Variants in SDK1 observed in about 807,000 individuals in gnomAD.
The protein encoded by SDK1 is protein sidekick-1.
SDK1 carries 157 observed loss-of-function variants against 245.5 expected under a neutral mutation model. The ratio of observed to expected loss-of-function variants is 0.64; its 90% CI spans 0.56 to 0.73. The LOEUF (loss-of-function observed/expected upper bound fraction) is 0.73. SDK1 is among the 30% of genes least tolerant of loss of function. The pLI, the probability that SDK1 is intolerant of heterozygous loss-of-function variation, is 0.00. For missense variants in SDK1, 3,583 were observed against 3,002.3 expected, an observed-to-expected ratio of 1.19 and a Z score of -4.52; for synonymous variants, 1,647 against 1,278.5, an observed-to-expected ratio of 1.29 and a Z score of -6.15.
At chr7:4,216,535 T>C (rs1162823967) in intron 38 of SDK1, among the ~76,000 whole-genome samples, 2 of 152,236 alleles carry the variant, frequency 1.3e-5, no homozygotes, top group Non-Finnish European at 2.9e-5. Flanking sequence ...CACATGACTT[T>C]CAATATTTTG....
rs1583987475 is a variant in SDK1 at position 4,062,373 on chromosome 7, AT to A, written c.2912-5463del. ...TGGAAAACCTAGGAGAAATGGATAAATTCCTGAACACATACAACCTACCAAG... is the reference window on the plus strand; with the variant it reads ...TGGAAAACCTAGGAGAAATGGATAAATCCTGAACACATACAACCTACCAAG... On this transcript the variant is annotated intron_variant, in intron 19 of 44. Transcript: ENST00000404826. 2.6e-5 allele frequency among the ~76,000 whole-genome samples: 4 copies of A among 151,926 alleles called. No homozygotes were observed. The East Asian group carries it at 7.7e-4, about 29-fold the overall frequency.
chr7:4,182,366 A>C (rs1411335939), intron 35 of SDK1, among the ~76,000 whole-genome samples: 1 of 152,182 alleles, frequency 6.6e-6, no homozygotes, highest in Non-Finnish European at 1.5e-5. Context: ...CCTCCCCATT[A>C]GACCAAGGCT....
intron 1 of SDK1, among the ~76,000 whole-genome samples, chr7:3,521,515 A>G (rs1782939825): frequency 6.6e-6 from 1 of 152,204 alleles, no homozygotes; most frequent in South Asian, 2.1e-4. Flanking sequence ...CGAGTTGGTA[A>G]AAAACTAACT....
chr7:3,564,755 T>C (rs766681744), intron 1 of SDK1, among the ~76,000 whole-genome samples: 4 of 152,052 alleles, frequency 2.6e-5, no homozygotes, highest in Non-Finnish European at 5.9e-5. Context: ...TGAGAGAATT[T>C]TATGGTTGAG....
intron 1 of SDK1, among the ~76,000 whole-genome samples, chr7:3,530,993 T>C (rs1783325749): frequency 6.6e-6 from 1 of 152,248 alleles, no homozygotes; most frequent in Non-Finnish European, 1.5e-5. Flanking sequence ...TTGGAAATGA[T>C]GTGGCTTGTG....
chr7:3,443,710 T>G (rs1230657655), intron 1 of SDK1, among the ~76,000 whole-genome samples: 1 of 152,240 alleles, frequency 6.6e-6, no homozygotes, highest in African/African-American at 2.4e-5. Context: ...ATTTGTTAAA[T>G]TCAGCTCTGA....
intron 1 of SDK1, among the ~76,000 whole-genome samples, chr7:3,519,207 C>T (rs1782848618): frequency 6.6e-6 from 1 of 152,084 alleles, no homozygotes; most frequent in African/African-American, 2.4e-5. Flanking sequence ...TAGGAAGAAT[C>T]AGTTCAAGTC....
At chr7:3,349,397 G>C (rs1780597582) in intron 1 of SDK1, among the ~76,000 whole-genome samples, 1 of 152,092 alleles carries the variant, frequency 6.6e-6, no homozygotes, top group African/African-American at 2.4e-5. Context: ...AAGGGGAATG[G>C]GGCTGGGGAG....
chr7:3,798,271 G>C (rs1429501416), intron 4 of SDK1, among the ~76,000 whole-genome samples: 3 of 137,952 alleles, frequency 2.2e-5, no homozygotes, highest in Non-Finnish European at 4.5e-5. Flanking sequence ...AGGCTGGAGT[G>C]CAGTGGCGCG....
At chr7:3,375,091 T>C (rs1781320407) in intron 1 of SDK1, among the ~76,000 whole-genome samples, 2 of 152,190 alleles carry the variant, frequency 1.3e-5, no homozygotes, top group Admixed American at 1.3e-4. Context: ...TGATGCTGCA[T>C]ACGCATTTTC....
chr7:3,865,847 C>G (rs1780808301), intron 5 of SDK1, among the ~76,000 whole-genome samples: 1 of 152,120 alleles, frequency 6.6e-6, no homozygotes, highest in Non-Finnish European at 1.5e-5. Flanking sequence ...TTCTAAATAA[C>G]CCAAGATCAC....
chr7:3,445,435 C>G (rs926870644), intron 1 of SDK1, among the ~76,000 whole-genome samples: 7 of 152,108 alleles, frequency 4.6e-5, no homozygotes, highest in African/African-American at 1.4e-4. Flanking sequence ...AGTTTAAGAG[C>G]AAATTATCAT....
At chr7:3,381,466 G>C (rs1583773962) in intron 1 of SDK1, among the ~76,000 whole-genome samples, 1 of 152,166 alleles carries the variant, frequency 6.6e-6, no homozygotes, top group East Asian at 1.9e-4. Flanking sequence ...CTCAAAAACT[G>C]ATGCCAACTA....
At chr7:3,552,158 C>G (rs1452989197) in intron 1 of SDK1, among the ~76,000 whole-genome samples, 2 of 152,108 alleles carry the variant, frequency 1.3e-5, no homozygotes, top group African/African-American at 2.4e-5. Context: ...CTGCCTCAGC[C>G]TCCTGAGTAG....
intron 17 of SDK1, among the ~76,000 whole-genome samples, chr7:4,039,249 A>G (rs1050780795): frequency 1.3e-5 from 2 of 152,096 alleles, no homozygotes; most frequent in Non-Finnish European, 2.9e-5. Flanking sequence ...ACATGTATAC[A>G]TATGTAACTA....
chr7:4,233,495 G>A, intron 41 of SDK1, 76 bp downstream of exon 41: 2 of 1,439,000 alleles, frequency 1.4e-6, no homozygotes, highest in Non-Finnish European at 1.9e-6. Flanking sequence ...ACCCAGGGAG[G>A]TCTGTCTTCT....
intron 28 of SDK1, among the ~76,000 whole-genome samples, chr7:4,143,506 A>G (rs1300427469): frequency 6.6e-6 from 1 of 152,140 alleles, no homozygotes; most frequent in Non-Finnish European, 1.5e-5. Context: ...GTAGTCCAGC[A>G]AACTGAGGCT....
At chr7:3,345,013 C>G (rs1269796426) in intron 1 of SDK1, among the ~76,000 whole-genome samples, 1 of 152,170 alleles carries the variant, frequency 6.6e-6, no homozygotes, top group Non-Finnish European at 1.5e-5. Context: ...CTGATTATGA[C>G]TGTTGTGCTT....
intron 1 of SDK1, among the ~76,000 whole-genome samples, chr7:3,543,055 A>G (rs1423266046): frequency 2.6e-5 from 4 of 152,152 alleles, no homozygotes; most frequent in African/African-American, 9.7e-5. Context: ...TCCATCTGGG[A>G]CAAGCTTAGG....
Sources: allele counts gnomAD v4.1 joint callset (sites outside exome capture counted in the v4.1 genomes callset), GRCh38; gene constraint gnomAD v4.1.1; transcripts MANE v1.5; gene names NCBI Gene and HGNC (gene_info 2026-07-23, HGNC 2026-07-21).